LRMDA: variants seen among roughly 807,000 people sequenced by gnomAD.
LRMDA encodes leucine-rich melanocyte differentiation-associated protein.
Under a neutral mutation model 29.8 loss-of-function variants are expected in LRMDA, and 18 were observed. That is an observed-to-expected ratio of 0.60 (90% CI 0.42 to 0.90). The LOEUF (loss-of-function observed/expected upper bound fraction) is 0.90, where lower values mean the gene tolerates loss of function less well. Ranked by LOEUF, LRMDA falls within the 40% of genes least tolerant of loss-of-function variation. The pLI is 0.00. For missense variants in LRMDA, 273 were observed against 273.9 expected (o/e 1.00, Z 0.02); for synonymous variants, 125 against 109.4 (o/e 1.14, Z -0.89).
At chr10:75,931,315 A>C (rs182589109) in intron 2 of LRMDA, among the ~76,000 whole-genome samples, 1 of 152,324 alleles carries the variant, frequency 6.6e-6, no homozygotes, top group East Asian at 1.9e-4. Flanking sequence ...CAGGAAGGTC[A>C]CTGCCAAATG....
In LRMDA at chr10:75,727,146, C is replaced by T. The variant is rs544081390; in HGVS notation, c.131+288652C>T. 1.2e-4 allele frequency among the ~76,000 whole-genome samples: 18 copies of T among 152,328 alleles called. No individual in the cohort carries two copies. In the Middle Eastern group the frequency reaches 0.01, roughly 86 times the overall value. On this transcript the variant is annotated intron_variant, in intron 2 of 6. Transcript: ENST00000611255. ...GAGCAATGTCCCTGGCGTTCGGGTT[C>T]TAGCTTGCTTCTCTGGTATTTATCT...
intron 2 of LRMDA, among the ~76,000 whole-genome samples, chr10:75,857,417 GA>G (rs1274654642): frequency 6.6e-6 from 1 of 152,260 alleles, no homozygotes; most frequent in East Asian, 1.9e-4. Context: ...CTCTTTGAGG[GA>G]AAACCTCTCC....
chr10:75,457,894 T>A (rs566269043), intron 2 of LRMDA, among the ~76,000 whole-genome samples: 1 of 151,822 alleles, frequency 6.6e-6, no homozygotes, highest in Non-Finnish European at 1.5e-5. Flanking sequence ...TTTTTCTTTT[T>A]ACTTTTAATT....
At chr10:76,066,021 T>C (rs1848779181) in intron 5 of LRMDA, among the ~76,000 whole-genome samples, 1 of 152,212 alleles carries the variant, frequency 6.6e-6, no homozygotes. Context: ...GAGAAAGAAA[T>C]GCTTGTAATA....
chr10:75,468,520 C>T (rs999841285), intron 2 of LRMDA, among the ~76,000 whole-genome samples: 3 of 152,194 alleles, frequency 2.0e-5, no homozygotes, highest in African/African-American at 7.2e-5. Context: ...GTAGACTCCC[C>T]TTTGCTGTGG....
intron 2 of LRMDA, among the ~76,000 whole-genome samples, chr10:75,606,280 G>A (rs1840955784): frequency 6.6e-6 from 1 of 152,190 alleles, no homozygotes; most frequent in African/African-American, 2.4e-5. Context: ...TGTTAAGTGT[G>A]CGAGAAGGTA....
At position 76,007,021 on chromosome 10, in the gene LRMDA, TGTGTGTGTGTGCGC is replaced by T. The variant is rs1351417168; in HGVS notation, c.132-28978_132-28965del. On this transcript the variant is annotated intron_variant, in intron 2 of 6. Coordinates refer to ENST00000611255, the MANE Select transcript of LRMDA (RefSeq NM_001305581.2). ...GTGTGTGTGTGTGTGTGTGTGTGTG[TGTGTGTGTGTGCGC>T]GTGTGTGTTTATATATTTATTTTCC... Among the ~76,000 whole-genome samples the T allele has an allele frequency of 5.1e-4, 25 of 48,618 alleles. 1 individual carries two copies. The highest frequency in any genetic ancestry group is 1.4e-3 in the African/African-American group (25 of 17,876). The allele number at this position is 48,618 out of a possible 152,430, so 31.9% of individuals were successfully genotyped here. A position where few individuals can be genotyped will look rare whatever the true frequency, so the allele number is the denominator to read the frequency against.
chr10:75,515,344 A>G (rs1845277700), intron 2 of LRMDA, among the ~76,000 whole-genome samples: 1 of 152,152 alleles, frequency 6.6e-6, no homozygotes, highest in Non-Finnish European at 1.5e-5. Context: ...ATGTCAGGGA[A>G]TTGTTCACTT....
intron 2 of LRMDA, among the ~76,000 whole-genome samples, chr10:75,811,197 T>C (rs187225307): frequency 6.3e-4 from 96 of 152,328 alleles, no homozygotes; most frequent in African/African-American, 2.1e-3. Flanking sequence ...GGCCCCAAAG[T>C]GTCAGCAACC....
chr10:75,764,263 C>G (rs1321856211), intron 2 of LRMDA, among the ~76,000 whole-genome samples: 1 of 152,176 alleles, frequency 6.6e-6, no homozygotes, highest in Admixed American at 6.5e-5. Flanking sequence ...GCTGCCAAGA[C>G]TCTTGTCATT....
intron 5 of LRMDA, among the ~76,000 whole-genome samples, chr10:76,103,730 A>C (rs1262884698): frequency 6.6e-6 from 1 of 152,220 alleles, no homozygotes; most frequent in Admixed American, 6.5e-5. Flanking sequence ...CTGCCTCAGC[A>C]AGATGCAGAC....
At position 76,358,000 on chromosome 10, in the gene LRMDA, T is replaced by A. The variant is rs149899328; in HGVS notation, c.601+33515T>A. On this transcript the variant is annotated intron_variant, in intron 6 of 6. Transcript: ENST00000611255. ...TAAATGAAGTGTGTACAAAGCCTGT[T>A]TGACAACAAAGTCCTCTCTAGAGGA... 2.8e-3 allele frequency among the ~76,000 whole-genome samples: 430 copies of A among 152,242 alleles called. 1 individual carries two copies. Among genetic ancestry groups the A allele is most frequent in the African/African-American group, 9.9e-3 (413 of 41,554 alleles).
chr10:75,995,577 A>C (rs1407093999), intron 2 of LRMDA, among the ~76,000 whole-genome samples: 2 of 152,224 alleles, frequency 1.3e-5, no homozygotes, highest in African/African-American at 4.8e-5. Flanking sequence ...CCTTATTTCT[A>C]AAATGAAATT....
chr10:76,405,021 GCAGTAACCAGAGCAGTTGA>G (rs1430956606), intron 6 of LRMDA, among the ~76,000 whole-genome samples: 1 of 152,158 alleles, frequency 6.6e-6, no homozygotes, highest in African/African-American at 2.4e-5. Context: ...GGGGCCTTCA[GCAGTAACCAGAGCAGTTGA>G]CACCTAGATG....
At chr10:76,294,028 A>T (rs1840382166) in intron 5 of LRMDA, among the ~76,000 whole-genome samples, 1 of 152,212 alleles carries the variant, frequency 6.6e-6, no homozygotes, top group African/African-American at 2.4e-5. Flanking sequence ...TACAGTAAAT[A>T]CACTTTCCCA....
At chr10:75,456,950 A>T (rs1844524449) in intron 2 of LRMDA, among the ~76,000 whole-genome samples, 1 of 152,224 alleles carries the variant, frequency 6.6e-6, no homozygotes, top group Non-Finnish European at 1.5e-5. Flanking sequence ...TGCCAGGATT[A>T]TAGGCATGAG....
chr10:75,951,554 C>T (rs1846574262), intron 2 of LRMDA, among the ~76,000 whole-genome samples: 1 of 152,216 alleles, frequency 6.6e-6, no homozygotes, highest in African/African-American at 2.4e-5. Context: ...GACGGCACTG[C>T]CATGGCATTC....
intron 2 of LRMDA, among the ~76,000 whole-genome samples, chr10:75,517,259 G>A (rs1845301637): frequency 6.6e-6 from 1 of 152,088 alleles, no homozygotes; most frequent in African/African-American, 2.4e-5. Context: ...AGCTTGATGG[G>A]GATGGCATTG....
chr10:76,200,803 T>C (rs930658283), intron 5 of LRMDA, among the ~76,000 whole-genome samples: 1 of 150,926 alleles, frequency 6.6e-6, no homozygotes, highest in African/African-American at 2.4e-5. Context: ...CTGCAGCGCC[T>C]GCCTCCCAGG....
Sources: gnomAD v4.1 joint callset for allele counts (sites outside exome capture counted in the v4.1 genomes callset) on GRCh38, gnomAD v4.1.1 for gene constraint, MANE v1.5 for transcripts, NCBI Gene and HGNC (gene_info 2026-07-23, HGNC 2026-07-21) for gene names.